Variants in GABRB1 observed in about 807,000 individuals in gnomAD.
GABRB1 encodes the protein gamma-aminobutyric acid type A receptor subunit beta1.
GABRB1 carries 17 observed loss-of-function variants against 51.6 expected under a neutral mutation model. The ratio of observed to expected loss-of-function variants is 0.33; its 90% confidence interval spans 0.23 to 0.49. The LOEUF is 0.49. GABRB1 is among the 20% of genes least tolerant of loss of function. The probability of loss-of-function intolerance (pLI) is 0.99; values close to 1 mark genes in which losing one functional copy is unlikely to be tolerated. For missense variants in GABRB1, 410 were observed against 600.6 expected (o/e 0.68, Z 3.32); for synonymous variants, 247 against 218.9 (o/e 1.13, Z -1.14).
intron 4 of GABRB1, among the ~76,000 whole-genome samples, chr4:47,300,109 A>T (rs1578076498): frequency 1.0e-5 from 1 of 96,144 alleles, no homozygotes; most frequent in Admixed American, 1.3e-4. Flanking sequence ...GGGAGGGGGG[A>T]GGGATAGCAT....
At chr4:47,347,225 T>A (rs1726134144) in intron 5 of GABRB1, among the ~76,000 whole-genome samples, 1 of 151,928 alleles carries the variant, frequency 6.6e-6, no homozygotes, top group Non-Finnish European at 1.5e-5. Context: ...GAGATTGCAA[T>A]GAGTCGAGAT....
At chr4:47,129,396 C>A (rs1716309326) in intron 3 of GABRB1, among the ~76,000 whole-genome samples, 1 of 152,030 alleles carries the variant, frequency 6.6e-6, no homozygotes, top group African/African-American at 2.4e-5. Context: ...CCTTAAAAAA[C>A]AAAGATATTT....
intron 3 of GABRB1, among the ~76,000 whole-genome samples, chr4:47,151,561 G>A (rs1402654374): frequency 3.0e-4 from 46 of 151,950 alleles, no homozygotes; most frequent in Admixed American, 3.0e-3. Flanking sequence ...TGGTCATGTA[G>A]TCATAGTCCA....
chr4:47,037,254 T>A (rs918756918), intron 3 of GABRB1, among the ~76,000 whole-genome samples: 4 of 152,178 alleles, frequency 2.6e-5, no homozygotes, highest in African/African-American at 9.6e-5. Context: ...GAGCTAGCAA[T>A]AACTTTGTAA....
chr4:47,282,074 T>A (rs144243536), intron 4 of GABRB1, among the ~76,000 whole-genome samples: 8 of 152,310 alleles, frequency 5.3e-5, no homozygotes, highest in African/African-American at 1.9e-4. Flanking sequence ...ATTGTTAAAA[T>A]GATTGATATG....
intron 4 of GABRB1, among the ~76,000 whole-genome samples, chr4:47,220,770 T>C (rs73247675): frequency 0.12 from 17,639 of 151,874 alleles, 1,263 homozygotes; most frequent in Non-Finnish European, 0.15. Flanking sequence ...TCCTTTTGGG[T>C]TTCAGTGCCC....
At chr4:47,319,365 C>A (rs535616713) in intron 4 of GABRB1, among the ~76,000 whole-genome samples, 1 of 152,078 alleles carries the variant, frequency 6.6e-6, no homozygotes, top group Admixed American at 6.5e-5. Flanking sequence ...ACTAGCAGGG[C>A]CAAGAGTGAG....
At chr4:47,138,763 A>G (rs911879694) in intron 3 of GABRB1, among the ~76,000 whole-genome samples, 17 of 152,102 alleles carry the variant, frequency 1.1e-4, no homozygotes, top group African/African-American at 3.6e-4. Context: ...AGCGAGGCAG[A>G]ATTCTGATGC....
chr4:47,111,420 A>T (rs960905539), intron 3 of GABRB1, among the ~76,000 whole-genome samples: 1 of 150,702 alleles, frequency 6.6e-6, no homozygotes, highest in African/African-American at 2.4e-5. Flanking sequence ...CTATATCTAT[A>T]TATATGAATT....
At chr4:47,249,893 A>AT (rs1365886850) in intron 4 of GABRB1, among the ~76,000 whole-genome samples, 1 of 152,080 alleles carries the variant, frequency 6.6e-6, no homozygotes, top group Admixed American at 6.6e-5. Flanking sequence ...GTGGTTCTGT[A>AT]TTTTTTATGT....
intron 1 of GABRB1, among the ~76,000 whole-genome samples, chr4:47,020,203 G>T (rs1433637775): frequency 1.3e-5 from 2 of 152,008 alleles, no homozygotes; most frequent in East Asian, 1.9e-4. Context: ...TTTTTATAAA[G>T]ACATCAATCA....
intron 4 of GABRB1, among the ~76,000 whole-genome samples, chr4:47,173,318 A>G (rs1223848546): frequency 6.6e-6 from 1 of 152,198 alleles, no homozygotes; most frequent in Non-Finnish European, 1.5e-5. Context: ...TTAAGGTGTT[A>G]TCACCGTATA....
At chr4:47,118,570 T>C (rs968251149) in intron 3 of GABRB1, among the ~76,000 whole-genome samples, 2 of 152,184 alleles carry the variant, frequency 1.3e-5, no homozygotes, top group African/African-American at 4.8e-5. Context: ...ATAAAAGCAA[T>C]ATTCAGAATT....
At chr4:47,048,307 C>T (rs1282775720) in intron 3 of GABRB1, among the ~76,000 whole-genome samples, 1 of 152,060 alleles carries the variant, frequency 6.6e-6, no homozygotes, top group Non-Finnish European at 1.5e-5. Flanking sequence ...CCTTACGGTG[C>T]ACAATACTCA....
chr4:47,393,066 G>T (rs777042326), intron 5 of GABRB1, among the ~76,000 whole-genome samples: 2 of 152,232 alleles, frequency 1.3e-5, no homozygotes, highest in Non-Finnish European at 2.9e-5. Context: ...CATCCGTTTT[G>T]CTGGTGCAGA....
intron 1 of GABRB1, among the ~76,000 whole-genome samples, chr4:47,015,559 C>A (rs916312851): frequency 3.3e-5 from 5 of 151,942 alleles, no homozygotes; most frequent in Non-Finnish European, 7.4e-5. Flanking sequence ...TGGCCTCTGG[C>A]TTTTAACTAC....
At chr4:47,008,014 CA>C (rs921646092) in intron 1 of GABRB1, among the ~76,000 whole-genome samples, 25 of 151,820 alleles carry the variant, frequency 1.6e-4, no homozygotes, top group Non-Finnish European at 3.1e-4. Context: ...ACAGGCACGA[CA>C]ATTTGCCCTT....
At chr4:47,175,149 CTCT>C (rs1336889786) in intron 4 of GABRB1, among the ~76,000 whole-genome samples, 2 of 147,760 alleles carry the variant, frequency 1.4e-5, no homozygotes, top group South Asian at 2.1e-4. Flanking sequence ...TCTTTCCTCT[CTCT>C]TTTCTTCTTT....
intron 3 of GABRB1, among the ~76,000 whole-genome samples, chr4:47,156,227 C>T (rs972353585): frequency 1.3e-5 from 2 of 151,806 alleles, no homozygotes; most frequent in African/African-American, 4.8e-5. Context: ...TTCCAGTATC[C>T]ATTACTGCCT....
Sources: gnomAD v4.1 joint callset for allele counts (sites outside exome capture counted in the v4.1 genomes callset) on GRCh38, gnomAD v4.1.1 for gene constraint, MANE v1.5 for transcripts, NCBI Gene and HGNC (gene_info 2026-07-23, HGNC 2026-07-21) for gene names.